SPTBN2: variants seen among roughly 807,000 people sequenced by gnomAD.
SPTBN2 encodes spectrin beta chain, non-erythrocytic 2.
A neutral mutation model predicts 284.2 loss-of-function variants in SPTBN2; 107 were observed. The observed-to-expected ratio is 0.38, with a 90% CI of 0.32 to 0.44. The LOEUF is 0.44. SPTBN2 is among the 20% of genes least tolerant of loss of function. The pLI, the probability that SPTBN2 is intolerant of heterozygous loss-of-function variation, is 1.00. For missense variants in SPTBN2, 2,569 were observed against 3,287.1 expected, an observed-to-expected ratio of 0.78 and a Z score of 5.34; for synonymous variants, 1,289 against 1,354.8, an observed-to-expected ratio of 0.95 and a Z score of 1.07.
In SPTBN2 at chr11:66,705,217, G is replaced by A. The variant is rs1411263285; in HGVS notation, c.2059C>T (p.Arg687Trp). Residue 687 changes from arginine (R) to tryptophan (W), a missense_variant, in exon 15 of 38, where the codon CGG (arginine) becomes TGG (tryptophan). By Grantham distance (101) the Arg-to-Trp change is moderately radical. Around this residue, in one of 6 missense-constraint regions of SPTBN2, gnomAD observed 1,012 missense variants for 1,248.9 expected, o/e 0.81. Transcript: ENST00000533211. ...CCCAGCCGGCCGCTCATCTCGCCCC[G>A]CAGGGCTGTGTGCTTGTTGAGCAGG... The part of the protein sequence containing the change: ...LRLLNKHTAL[R>W]GEMSGRLGPL... 11 of 1,547,502 alleles carry A rather than the reference G, an allele frequency of 7.1e-6. No homozygotes were observed. The highest frequency in any genetic ancestry group is 4.7e-5 in the South Asian group (4 of 85,454).
At chr11:66,721,546 A>G (rs1404875574) in intron 1 of SPTBN2, 106 bp from the exon 2 acceptor site, 9 of 452,262 alleles carry the variant, frequency 2.0e-5, no homozygotes, top group Non-Finnish European at 4.1e-6. Context: ...CGGGCCAGAG[A>G]GGGACGGGTT....
At chr11:66,702,198 GCT>G (rs1351285523) in intron 15 of SPTBN2, among the ~76,000 whole-genome samples, 22 of 152,294 alleles carry the variant, frequency 1.4e-4, no homozygotes, top group African/African-American at 5.3e-4. Context: ...ATGGAGTCTC[GCT>G]CTGTCACCCA....
In SPTBN2 at chr11:66,688,850, C is replaced by G; in HGVS notation, c.6035-1G>C. On this transcript the variant is annotated splice_acceptor_variant, in intron 30 of 37. Coordinates refer to ENST00000533211, the MANE Select transcript of SPTBN2 (RefSeq NM_006946.4). LOFTEE classifies it high-confidence loss of function. ...CTTCCAAACACAAGCACCTCCAAAA[C>G]TGGCAGGATCGGGGGTTGCAGGAAG... The G allele has an allele frequency of 6.2e-7, 1 of 1,611,362 alleles. No homozygotes were observed. The highest frequency in any genetic ancestry group is 8.5e-7 in the Non-Finnish European group (1 of 1,179,912).
chr11:66,685,476 A>G lies in SPTBN2; in HGVS notation c.*395T>C. 3.5e-6 allele frequency: 1 copy of G among 285,962 alleles called. No individual in the cohort carries two copies. Among genetic ancestry groups the G allele is most frequent in the Non-Finnish European group, 6.9e-6 (1 of 145,142 alleles). The allele number at this position is 285,962 out of a possible 1,614,324, so 17.7% of individuals were successfully genotyped here. ...AGGTTCCTGGCTGGTCTGAGGGGTG[A>G]GGAACCAGAAGGCAGAAGGCGAGTG... On this transcript the variant is annotated 3_prime_UTR_variant, in exon 38 of 38. Transcript: ENST00000533211. This position sits in a 1 kb window ranked among gnomAD's most constrained non-coding sequence, Gnocchi z 4.4.
Position 66,707,865 on chromosome 11 carries a change from C to T in SPTBN2, c.1351-47G>A, listed in dbSNP as rs775411538. 2 of 1,594,516 alleles carry T rather than the reference C, an allele frequency of 1.3e-6. No homozygotes were observed. The highest frequency in any genetic ancestry group is 1.3e-5 in the African/African-American group (1 of 74,780). ...GAGGTGTGGGGACCAAGGGACAGTG[C>T]CTCTGCCTGCTCCTCTGTCCTGCAG... On this transcript the variant is annotated intron_variant, in intron 12 of 37. Coordinates refer to ENST00000533211, the MANE Select transcript of SPTBN2 (RefSeq NM_006946.4). The surrounding 1 kb of genome is among the most constrained non-coding windows in gnomAD (Gnocchi z 4.9).
intron 25 of SPTBN2, 106 bp from the exon 26 acceptor site, chr11:66,692,846 C>T: frequency 1.3e-6 from 2 of 1,595,600 alleles, no homozygotes; most frequent in Non-Finnish European, 1.7e-6. Context: ...AGCTCGCCCA[C>T]CCTGTGTTCC....
Position 66,701,189 on chromosome 11 carries a change from G to A in SPTBN2, c.2910C>T (p.Thr970=), listed in dbSNP as rs769498634. 8 of 1,613,180 alleles carry A rather than the reference G, an allele frequency of 5.0e-6. No individual in the cohort carries two copies. The highest frequency in any genetic ancestry group is 6.8e-6 in the Non-Finnish European group (8 of 1,180,028). ...TGGTCTTCTCTCTCATCCAGGCCTG[G>A]GTCTCCGTGCACTCTAAGTGGTAGT... The part of the protein sequence containing the change: ...IQNYHLECTE[T]QAWMREKTKV... The change falls in exon 17 of 38, where the codon ACC becomes ACT. Residue 970 remains threonine (T), a synonymous_variant. Coordinates refer to ENST00000533211, the MANE Select transcript of SPTBN2 (RefSeq NM_006946.4).
Position 66,693,261 on chromosome 11 carries a change from G to C in SPTBN2, c.4779C>G (p.Phe1593Leu), listed in dbSNP as rs771877691. The C allele has an allele frequency of 2.5e-5, 40 of 1,614,000 alleles. No individual in the cohort carries two copies. The highest frequency in any genetic ancestry group is 3.0e-5 in the Non-Finnish European group (35 of 1,180,040). The change falls in exon 24 of 38, where the codon TTC becomes TTG. Residue 1593 changes from phenylalanine to leucine, a missense_variant. Around this residue, in one of 6 missense-constraint regions of SPTBN2, gnomAD observed 1,130 missense variants for 1,317.3 expected, o/e 0.86. Coordinates refer to ENST00000533211, the MANE Select transcript of SPTBN2 (RefSeq NM_006946.4). This position sits in a 1 kb window ranked among gnomAD's most constrained non-coding sequence, Gnocchi z 5.7. The stretch of plus-strand genomic sequence containing the variant: ...CCTCCGCCTCGGCGGCATCGCGGTA[G>C]AACTGCTGGGCTCGCAGGGCATCCT... ...RLEDALRAQQ[F>L]YRDAAEAEAW... is the part of the protein sequence containing the mutation.
chr11:66,733,617 T>G (rs1942829943), upstream of SPTBN2, among the ~76,000 whole-genome samples: 1 of 152,146 alleles, frequency 6.6e-6, no homozygotes, highest in South Asian at 2.1e-4. Flanking sequence ...GGCGTGGACT[T>G]TAAAGGGGAG....
rs1348694743 is a variant in SPTBN2, at chr11:66,700,531, T to C, written c.3568A>G (p.Ser1190Gly). 6.2e-7 allele frequency: 1 copy of C among 1,603,842 alleles called. No homozygotes were observed. Among genetic ancestry groups the C allele is most frequent in the Non-Finnish European group, 8.5e-7 (1 of 1,179,974 alleles). ...DARQAEGVLS[S>G]QEYVLSHTEM... The stretch of plus-strand genomic sequence containing the variant: ...ACTTTGCCCTGGACTTTCACCTGGC[T>C]GCTGAGCACGCCCTCAGCCTGACGA... Residue 1190 changes from serine (S) to glycine (G), a missense_variant, in exon 17 of 38, where the codon AGC becomes GGC. By Grantham distance (56) the Ser-to-Gly change is moderately conservative. This residue lies in a region of SPTBN2 where 1,012 missense variants were observed against 1,248.9 expected (regional missense o/e 0.81). Transcript: ENST00000533211. The surrounding 1 kb of genome is among the most constrained non-coding windows in gnomAD (Gnocchi z 6.6).
chr11:66,687,724 A>C lies in SPTBN2; in HGVS notation c.6502-77T>G. The C allele has an allele frequency of 6.3e-7, 1 of 1,581,496 alleles. No homozygotes were observed. Among genetic ancestry groups the C allele is most frequent in the Non-Finnish European group, 8.6e-7 (1 of 1,157,340 alleles). The stretch of plus-strand genomic sequence containing the variant: ...CTGGGTGCCAGGAAGCTCCGTGTCC[A>C]GGAGTTGGTCTTCCTGCCCCCAAGC... On this transcript the variant is annotated intron_variant, in intron 34 of 37. Coordinates refer to ENST00000533211, the MANE Select transcript of SPTBN2 (RefSeq NM_006946.4). This position sits in a 1 kb window ranked among gnomAD's most constrained non-coding sequence, Gnocchi z 5.2.
chr11:66,699,921 A>T (rs536208568), intron 17 of SPTBN2, among the ~76,000 whole-genome samples: 1 of 152,138 alleles, frequency 6.6e-6, no homozygotes, highest in Non-Finnish European at 1.5e-5. Flanking sequence ...TTAGTAAATT[A>T]TATTCACGTC....
At chr11:66,699,257 C>T in intron 18 of SPTBN2, 149 bp downstream of exon 18, 3 of 1,251,504 alleles carry the variant, frequency 2.4e-6, no homozygotes, top group South Asian at 1.3e-5. Flanking sequence ...AATCTCCCAG[C>T]CCTCTCCAAC....
In SPTBN2 at chr11:66,715,877, C is replaced by T; in HGVS notation, c.262G>A (p.Gly88Arg). ...TCGAGGAGCCTCAGCAGGTTGCGTCCGTCCCGGAGGTCGCTGTACAGGTCC... is the reference window on the plus strand; with the variant it reads ...TCGAGGAGCCTCAGCAGGTTGCGTCTGTCCCGGAGGTCGCTGTACAGGTCC... ...VGDLYSDLRD[G>R]RNLLRLLEVL... Residue 88 changes from glycine (G) to arginine (R), a missense_variant, in exon 4 of 38, where the codon GGA becomes AGA. By Grantham distance (125) the Gly-to-Arg change is moderately radical. Around this residue, in one of 6 missense-constraint regions of SPTBN2, gnomAD observed 304 missense variants for 522.1 expected, o/e 0.58. Coordinates refer to ENST00000533211, the MANE Select transcript of SPTBN2 (RefSeq NM_006946.4). This position sits in a 1 kb window ranked among gnomAD's most constrained non-coding sequence, Gnocchi z 5.3. The T allele has an allele frequency of 6.2e-7, 1 of 1,614,056 alleles. No individual in the cohort carries two copies. Among genetic ancestry groups the T allele is most frequent in the Non-Finnish European group, 8.5e-7 (1 of 1,180,010 alleles).
intron 15 of SPTBN2, among the ~76,000 whole-genome samples, chr11:66,702,747 G>A (rs969506431): frequency 2.0e-5 from 3 of 151,566 alleles, no homozygotes; most frequent in Admixed American, 6.6e-5. Flanking sequence ...GACCATCCTG[G>A]CTAACACGGT....
chr11:66,739,541 T>G (rs979382899), intron 1 of SPTBN2, among the ~76,000 whole-genome samples: 3 of 152,260 alleles, frequency 2.0e-5, no homozygotes, highest in Non-Finnish European at 4.4e-5. Context: ...GAAGAATTTT[T>G]GTCTCAATTA....
At position 66,691,764 on chromosome 11, in the gene SPTBN2, G is replaced by A. The variant is rs1009783297; in HGVS notation, c.5191-106C>T. On this transcript the variant is annotated intron_variant, in intron 26 of 37. Coordinates refer to ENST00000533211, the MANE Select transcript of SPTBN2 (RefSeq NM_006946.4). This position sits in a 1 kb window ranked among gnomAD's most constrained non-coding sequence, Gnocchi z 8.0. ...CCAAACTCAGAACCCACCTCTCCCC[G>A]CTGCATGGGGGCCGGGACAGGTTTC... is the stretch of plus-strand genomic sequence containing the variant. The A allele has an allele frequency of 4.2e-5, 63 of 1,507,754 alleles. 2 individuals are homozygous for A. The highest frequency in any genetic ancestry group is 5.8e-5 in the South Asian group (5 of 86,858). 93.4% of individuals were successfully genotyped at this position (1,507,754 alleles called of 1,614,324 possible).
intron 1 of SPTBN2, among the ~76,000 whole-genome samples, chr11:66,722,912 A>C (rs1590985964): frequency 6.6e-6 from 1 of 151,772 alleles, no homozygotes; most frequent in Admixed American, 6.6e-5. Context: ...AAAAAAAAAA[A>C]AAGACATTAA....
In SPTBN2 at chr11:66,700,259, T is replaced by C. The variant is rs1174336510; in HGVS notation, c.3573+267A>G. 6.6e-6 allele frequency among the ~76,000 whole-genome samples: 1 copy of C among 152,116 alleles called. No individual in the cohort carries two copies. The highest frequency in any genetic ancestry group is 1.5e-5 in the Non-Finnish European group (1 of 68,028). ...TGTGAGCCATCCTGTCTGGCTCCCATTTTTCTTTTTAAAAAATTCTTCTAT... is the reference window on the plus strand; with the variant it reads ...TGTGAGCCATCCTGTCTGGCTCCCACTTTTCTTTTTAAAAAATTCTTCTAT... On this transcript the variant is annotated intron_variant, in intron 17 of 37. Transcript: ENST00000533211. The surrounding 1 kb of genome is among the most constrained non-coding windows in gnomAD (Gnocchi z 6.6).
Sources: allele counts gnomAD v4.1 joint callset (sites outside exome capture counted in the v4.1 genomes callset), GRCh38; gene constraint gnomAD v4.1.1; regional missense constraint gnomAD v4.1.1; non-coding constraint Gnocchi (gnomAD v3.1); transcripts MANE v1.5; gene names NCBI Gene and HGNC (gene_info 2026-07-23, HGNC 2026-07-21).